Variants in ASZ1 observed in about 807,000 individuals in gnomAD.
ASZ1 encodes ankyrin repeat, SAM and basic leucine zipper domain containing 1, also known as ankyrin repeat, SAM and basic leucine zipper domain-containing protein 1.
In ASZ1, 67 loss-of-function variants were observed where a neutral mutation model predicts 61.8. The observed-to-expected ratio is 1.08, with a 90% CI of 0.89 to 1.33. The LOEUF is 1.33. Ranked by LOEUF, ASZ1 falls within the 40% of genes most tolerant of loss-of-function variation. The probability of loss-of-function intolerance (pLI) is 0.00; values close to 1 mark genes in which losing one functional copy is unlikely to be tolerated. For synonymous variants in ASZ1, 193 were observed against 192.7 expected, an observed-to-expected ratio of 1.00 and a Z score of -0.01; for missense variants, 577 against 554.5, an observed-to-expected ratio of 1.04 and a Z score of -0.41.
intron 4 of ASZ1, among the ~76,000 whole-genome samples, chr7:117,412,042 G>GTGTATGTA (rs527886431): frequency 0.017 from 1,858 of 109,336 alleles, 23 homozygotes; most frequent in East Asian, 0.047. Context: ...GAAAAGAAGT[G>GTGTATGTA]TGTGTGTGTG....
chr7:117,402,776 A>C (rs1796704336), intron 4 of ASZ1, among the ~76,000 whole-genome samples: 1 of 152,112 alleles, frequency 6.6e-6, no homozygotes, highest in Non-Finnish European at 1.5e-5. Flanking sequence ...CTTATCTATA[A>C]TGGCAGAAAG....
At chr7:117,404,425 T>A (rs1219761040) in intron 4 of ASZ1, among the ~76,000 whole-genome samples, 2 of 118,966 alleles carry the variant, frequency 1.7e-5, no homozygotes, top group African/African-American at 6.0e-5. Context: ...TCCTTTTTTT[T>A]TTTTTTGACT....
chr7:117,425,259 C>CTTTTTTTTTTTTTTTTTTTT (rs71148368), intron 2 of ASZ1, among the ~76,000 whole-genome samples: 1 of 93,858 alleles, frequency 1.1e-5, no homozygotes, highest in African/African-American at 3.6e-5. Flanking sequence ...TGAGTAATTT[C>CTTTTTTTTTTTTTTTTTTTT]TTTTTTTTTT....
chr7:117,379,097 C>CG (rs1796195252), intron 10 of ASZ1, among the ~76,000 whole-genome samples: 1 of 145,812 alleles, frequency 6.9e-6, no homozygotes, highest in South Asian at 2.2e-4. Context: ...ACATTGAACA[C>CG]GGAAGTAGTT....
At chr7:117,374,033 T>A (rs1005487971) in intron 10 of ASZ1, among the ~76,000 whole-genome samples, 2 of 152,068 alleles carry the variant, frequency 1.3e-5, no homozygotes, top group Non-Finnish European at 2.9e-5. Context: ...GAAACAATGA[T>A]GAGGCATTAT....
intron 12 of ASZ1, among the ~76,000 whole-genome samples, chr7:117,365,667 T>C (rs1231636860): frequency 6.6e-6 from 1 of 152,186 alleles, no homozygotes; most frequent in Non-Finnish European, 1.5e-5. Context: ...AAATGGCATG[T>C]TTAAGTAGGA....
chr7:117,412,062 G>A (rs1796907070), intron 4 of ASZ1, among the ~76,000 whole-genome samples: 2 of 150,084 alleles, frequency 1.3e-5, no homozygotes, highest in Non-Finnish European at 1.5e-5. Context: ...GTGTGTGTGT[G>A]TGTGTGTGTG....
intron 4 of ASZ1, among the ~76,000 whole-genome samples, chr7:117,387,306 CTCAACAACA>C (rs1796377740): frequency 7.9e-6 from 1 of 125,960 alleles, no homozygotes; most frequent in African/African-American, 3.4e-5. Context: ...GAGACCCTGT[CTCAACAACA>C]ACAACAACAA....
intron 4 of ASZ1, among the ~76,000 whole-genome samples, chr7:117,414,389 G>T (rs1166901055): frequency 6.6e-6 from 1 of 152,232 alleles, no homozygotes; most frequent in Non-Finnish European, 1.5e-5. Context: ...AAATTTGGGT[G>T]CAATATAAAC....
At chr7:117,416,065 T>G (rs1796986218) in intron 4 of ASZ1, among the ~76,000 whole-genome samples, 1 of 152,116 alleles carries the variant, frequency 6.6e-6, no homozygotes, top group Admixed American at 6.5e-5. Flanking sequence ...GTGGCATACC[T>G]GTAGGCCTAG....
In ASZ1 at chr7:117,375,545, A is replaced by T. The variant is rs10248937; in HGVS notation, c.1055+4393T>A. 3.6e-4 allele frequency among the ~76,000 whole-genome samples: 55 copies of T among 152,166 alleles called. 1 individual carries two copies. The highest frequency in any genetic ancestry group is 1.2e-3 in the African/African-American group (48 of 41,552). ...TTGAGAGATTTGCTTCAACCTGCCA[A>T]AGCCTTTAAAATCTTAATGCTCTAT... On this transcript the variant is annotated intron_variant, in intron 10 of 12. Transcript: ENST00000284629.
At position 117,420,272 on chromosome 7, in the gene ASZ1, T is replaced by A; in HGVS notation, c.331A>T (p.Lys111Ter). The A allele has an allele frequency of 1.2e-6, 2 of 1,609,226 alleles. No individual in the cohort carries two copies. The highest frequency in any genetic ancestry group is 1.7e-6 in the Non-Finnish European group (2 of 1,177,730). ...CATGCAGTTATCAAAATACTTTGCT[T>A]ATCTATAGTGAATAGAAAAGTGAGG... ...RGANASFEKD[K>*]QSILITACSA... Residue 111 changes from lysine (K) to a stop codon, truncating the protein, a stop_gained and splice_region_variant, in exon 4 of 13, where the codon AAG (lysine) becomes TAG (stop). Coordinates refer to ENST00000284629, the MANE Select transcript of ASZ1 (RefSeq NM_130768.3). LOFTEE classifies it high-confidence loss of function.
chr7:117,423,689 C>CAAAAAA (rs60144830), intron 2 of ASZ1, among the ~76,000 whole-genome samples: 2 of 76,516 alleles, frequency 2.6e-5, no homozygotes, highest in African/African-American at 5.6e-5. Context: ...ACTAAAAATA[C>CAAAAAA]AAAAAAAAAA....
chr7:117,410,356 C>T (rs1392787739), intron 4 of ASZ1, among the ~76,000 whole-genome samples: 1 of 151,710 alleles, frequency 6.6e-6, no homozygotes, highest in Non-Finnish European at 1.5e-5. Context: ...GGACTTGGGA[C>T]ATAAATTCTG....
At chr7:117,419,936 T>C (rs910673475) in intron 4 of ASZ1, among the ~76,000 whole-genome samples, 1 of 152,208 alleles carries the variant, frequency 6.6e-6, no homozygotes, top group Non-Finnish European at 1.5e-5. Flanking sequence ...CCTTTCCCTC[T>C]CATTCTAAAT....
chr7:117,401,155 T>C (rs1425872607), intron 4 of ASZ1, among the ~76,000 whole-genome samples: 2 of 152,002 alleles, frequency 1.3e-5, no homozygotes, highest in Non-Finnish European at 2.9e-5. Context: ...CCAGTGTGAA[T>C]ATGGAGAAGA....
chr7:117,415,911 C>A (rs983908913), intron 4 of ASZ1, among the ~76,000 whole-genome samples: 2 of 152,142 alleles, frequency 1.3e-5, no homozygotes, highest in East Asian at 3.8e-4. Flanking sequence ...AAGGAGTGGG[C>A]CAGGCGCAGT....
intron 4 of ASZ1, among the ~76,000 whole-genome samples, chr7:117,401,127 T>C (rs1455525987): frequency 6.6e-6 from 1 of 152,018 alleles, no homozygotes; most frequent in African/African-American, 2.4e-5. Context: ...GCCTGGAAGA[T>C]AGACCAAAAG....
rs1291605210 is a variant in ASZ1, at chr7:117,404,352, C to A, written c.440+15811G>T. Among the ~76,000 whole-genome samples, 4 of 150,272 alleles carry A rather than the reference C, an allele frequency of 2.7e-5. No homozygotes were observed. The East Asian group carries it at 7.9e-4, about 30-fold the overall frequency. On this transcript the variant is annotated intron_variant, in intron 4 of 12. Transcript: ENST00000284629. The stretch of plus-strand genomic sequence containing the variant: ...TCTTTTTTTTTTTTTCAGTAGGTAT[C>A]CCTGCCATTAGCAGGTTGCCTACAT...
Sources: gnomAD v4.1 joint callset for allele counts (sites outside exome capture counted in the v4.1 genomes callset) on GRCh38, gnomAD v4.1.1 for gene constraint, MANE v1.5 for transcripts, NCBI Gene and HGNC (gene_info 2026-07-23, HGNC 2026-07-21) for gene names.